The following TTC7A variants were observed in gnomAD, a reference collection of about 807,000 sequenced individuals.
TTC7A encodes tetratricopeptide repeat domain 7A.
TTC7A carries 110 observed loss-of-function variants against 103.7 expected under a neutral mutation model. The observed-to-expected ratio is 1.06, with a 90% CI of 0.91 to 1.24. The LOEUF is 1.24. Ranked by LOEUF, TTC7A falls within the 50% of genes most tolerant of loss-of-function variation. The probability of loss-of-function intolerance (pLI) is 0.00; values close to 1 mark genes in which losing one functional copy is unlikely to be tolerated. For missense variants in TTC7A, 1,340 were observed against 1,116.3 expected, an observed-to-expected ratio of 1.20 and a Z score of -2.86; for synonymous variants, 521 against 467.9, an observed-to-expected ratio of 1.11 and a Z score of -1.47.
chr2:46,941,433 C>T lies in TTC7A; in HGVS notation c.-109C>T, dbSNP rs900932379. The T allele has an allele frequency of 8.3e-6, 10 of 1,206,148 alleles. No individual in the cohort carries two copies. Among genetic ancestry groups the T allele is most frequent in the South Asian group, 2.8e-5 (1 of 35,106 alleles). 74.7% of individuals were successfully genotyped at this position (1,206,148 alleles called of 1,614,324 possible). On this transcript the variant is annotated 5_prime_UTR_variant, in exon 1 of 20. Transcript: ENST00000319190. The surrounding 1 kb of genome is among the most constrained non-coding windows in gnomAD (Gnocchi z 4.2). ...CCGCTGCCGCCCGGGCCCCGGCTGC[C>T]GTCTGCGCCCCCGTCGACCCCGCCC...
intron 2 of TTC7A, among the ~76,000 whole-genome samples, chr2:46,924,080 C>G (rs1669260259): frequency 6.6e-6 from 1 of 151,958 alleles, no homozygotes; most frequent in African/African-American, 2.4e-5. Context: ...TGGTGTGGGC[C>G]TGTAGTCCAG....
chr2:46,930,038 A>C (rs1428961851), intron 2 of TTC7A, among the ~76,000 whole-genome samples: 1 of 152,188 alleles, frequency 6.6e-6, no homozygotes, highest in Non-Finnish European at 1.5e-5. Context: ...GAAATAAACT[A>C]AGTTGGTGAA....
chr2:47,060,782 G>A lies in TTC7A; in HGVS notation c.2166G>A (p.Met722Ile), dbSNP rs369308415. ...CTGCTTTTGCAGCTGAGCTGTTCAT[G>A]GAGCAGCAGCACCTCAAGGAAGCAG... The part of the protein sequence containing the change: ...QIWLQAAELF[M>I]EQQHLKEAGF... Residue 722 changes from methionine to isoleucine, a missense_variant, in exon 19 of 20, where the codon ATG becomes ATA. By Grantham distance (10) the Met-to-Ile change is conservative. Coordinates refer to ENST00000319190, the MANE Select transcript of TTC7A (RefSeq NM_020458.4). 16 of 1,608,314 alleles carry A rather than the reference G, an allele frequency of 9.9e-6. No homozygotes were observed. In the African/African-American group the frequency reaches 2.1e-4, roughly 21 times the overall value.
rs60989736 is a variant in TTC7A, at chr2:47,048,665, G to C, written c.1920-1284G>C. Among the ~76,000 whole-genome samples, 235 of 152,216 alleles carry C rather than the reference G, an allele frequency of 1.5e-3. 2 individuals are homozygous for C. Among genetic ancestry groups the C allele is most frequent in the African/African-American group, 5.1e-3 (212 of 41,526 alleles). Reference sequence around the variant, plus strand: ...TTGCCCAGGCTGGAGTTCAGTGGCAGGATCACAGCTCACTGCAGCCTCTGT... The same window carrying C: ...TTGCCCAGGCTGGAGTTCAGTGGCACGATCACAGCTCACTGCAGCCTCTGT... On this transcript the variant is annotated intron_variant, in intron 16 of 19. Transcript: ENST00000319190.
At chr2:46,996,007 A>G (rs539979474) in intron 8 of TTC7A, among the ~76,000 whole-genome samples, 1 of 152,268 alleles carries the variant, frequency 6.6e-6, no homozygotes, top group Non-Finnish European at 1.5e-5. Context: ...CCCATTGCTC[A>G]TGTCCTGGGC....
chr2:47,060,003 C>T (rs1290848854), intron 18 of TTC7A, among the ~76,000 whole-genome samples: 1 of 151,976 alleles, frequency 6.6e-6, no homozygotes, highest in Non-Finnish European at 1.5e-5. Flanking sequence ...CAAAAAAATA[C>T]AAAAATTAGC....
chr2:47,067,178 T>C (rs1684246515), intron 19 of TTC7A, among the ~76,000 whole-genome samples: 2 of 152,230 alleles, frequency 1.3e-5, no homozygotes, highest in African/African-American at 4.8e-5. Flanking sequence ...CACATGAATT[T>C]TGGGGGACAC....
Position 47,029,212 on chromosome 2 carries a change from T to A in TTC7A, c.1642-12T>A, listed in dbSNP as rs1463978234. 6.2e-7 allele frequency: 1 copy of A among 1,612,740 alleles called. No homozygotes were observed. Among genetic ancestry groups the A allele is most frequent in the East Asian group, 2.2e-5 (1 of 44,838 alleles). The stretch of plus-strand genomic sequence containing the variant: ...GCCTGGGGAAGGCTAACCTGGCGGG[T>A]TCCTTCAACAGATCTCCAGTGCCAT... On this transcript the variant is annotated splice_polypyrimidine_tract_variant and intron_variant, in intron 14 of 19. Transcript: ENST00000319190.
intron 18 of TTC7A, among the ~76,000 whole-genome samples, chr2:47,059,071 G>C (rs1683559410): frequency 7.5e-6 from 1 of 132,552 alleles, no homozygotes; most frequent in South Asian, 2.6e-4. Context: ...GCCCAGGCTG[G>C]AGCACAGTGG....
At position 47,007,486 on chromosome 2, in the gene TTC7A, A is replaced by G. The variant is rs1009233955; in HGVS notation, c.1287+762A>G. ...GTGGCATGAGCTTGCAGATTGTTCCAGGAGCTGTAAATATCCAGAGCCCTT... is the reference window on the plus strand; with the variant it reads ...GTGGCATGAGCTTGCAGATTGTTCCGGGAGCTGTAAATATCCAGAGCCCTT... On this transcript the variant is annotated intron_variant, in intron 10 of 19. Transcript: ENST00000319190. This position sits in a 1 kb window ranked among gnomAD's most constrained non-coding sequence, Gnocchi z 4.9. Among the ~76,000 whole-genome samples the G allele has an allele frequency of 6.6e-6, 1 of 152,212 alleles. No individual in the cohort carries two copies. The highest frequency in any genetic ancestry group is 2.4e-5 in the African/African-American group (1 of 41,454).
chr2:46,931,621 A>G (rs1224071110), intron 2 of TTC7A, among the ~76,000 whole-genome samples: 1 of 152,144 alleles, frequency 6.6e-6, no homozygotes, highest in East Asian at 1.9e-4. Flanking sequence ...GTCGGCCTCT[A>G]GAACTGATCT....
At chr2:47,067,399 G>GT (rs1684267692) in intron 19 of TTC7A, among the ~76,000 whole-genome samples, 1 of 152,250 alleles carries the variant, frequency 6.6e-6, no homozygotes, top group Non-Finnish European at 1.5e-5. Flanking sequence ...GACCAGGCTG[G>GT]TTTCTGTTGG....
rs1161003607 is a variant in TTC7A at position 46,934,787 on chromosome 2, C to CTTTTT, written c.83-15548_83-15544dup. Reference sequence around the variant, plus strand: ...GGAATAAGGTATGAAGACTACTGCTCTTTTTTTTTTTTTTTTTTTTTTTTT... The same window carrying CTTTTT: ...GGAATAAGGTATGAAGACTACTGCTCTTTTTTTTTTTTTTTTTTTTTTTTTTTTTT... On this transcript the variant is annotated intron_variant, in intron 2 of 20. Transcript: ENST00000409245. Among the ~76,000 whole-genome samples, 81 of 66,912 alleles carry CTTTTT rather than the reference C, an allele frequency of 1.2e-3. 8 individuals carry two copies. The highest frequency in any genetic ancestry group is 4.5e-3 in the African/African-American group (70 of 15,424). 43.9% of individuals were successfully genotyped at this position (66,912 alleles called of 152,430 possible). A position where few individuals can be genotyped will look rare whatever the true frequency, so the allele number is the denominator to read the frequency against.
intron 11 of TTC7A, among the ~76,000 whole-genome samples, chr2:47,015,038 G>A (rs1400971252): frequency 6.6e-6 from 1 of 152,238 alleles, no homozygotes; most frequent in Non-Finnish European, 1.5e-5. Context: ...GGTGGGAGTA[G>A]CTGAGCAGGT....
chr2:46,972,897 A>T (rs1324237117), intron 3 of TTC7A, among the ~76,000 whole-genome samples: 1 of 152,192 alleles, frequency 6.6e-6, no homozygotes, highest in East Asian at 1.9e-4. Flanking sequence ...GAGATGACCA[A>T]AATATAGTGT....
intron 5 of TTC7A, among the ~76,000 whole-genome samples, chr2:46,979,306 G>A (rs551181274): frequency 6.6e-6 from 1 of 152,308 alleles, no homozygotes; most frequent in East Asian, 1.9e-4. Flanking sequence ...GTTCCTCTGA[G>A]CCTCACGTTC....
intron 15 of TTC7A, among the ~76,000 whole-genome samples, chr2:47,043,875 C>G (rs1432511980): frequency 6.6e-6 from 1 of 152,226 alleles, no homozygotes; most frequent in African/African-American, 2.4e-5. Context: ...TTTTCATCCA[C>G]TTCTTTGCCA....
At chr2:47,044,890 G>A (rs1379918675) in intron 15 of TTC7A, among the ~76,000 whole-genome samples, 1 of 152,204 alleles carries the variant, frequency 6.6e-6, no homozygotes, top group East Asian at 1.9e-4. Flanking sequence ...GGGAGCCCAG[G>A]TCTTAGGGCA....
chr2:46,994,085 G>A (rs947928112), intron 6 of TTC7A: 13 of 450,614 alleles, frequency 2.9e-5, no homozygotes, highest in African/African-American at 2.4e-4. Flanking sequence ...AAGGGGTCAG[G>A]AGAGGGAGGA....
Sources: gnomAD v4.1 joint callset for allele counts (sites outside exome capture counted in the v4.1 genomes callset) on GRCh38, gnomAD v4.1.1 for gene constraint, Gnocchi (gnomAD v3.1) non-coding constraint, MANE v1.5 for transcripts, NCBI Gene and HGNC (gene_info 2026-07-23, HGNC 2026-07-21) for gene names.